GUCY1A1: variants seen among roughly 807,000 people sequenced by gnomAD.
GUCY1A1 encodes the protein guanylate cyclase 1 soluble subunit alpha 1, also known as guanylate cyclase soluble subunit alpha-1.
GUCY1A1 carries 48 observed loss-of-function variants against 64.5 expected under a neutral mutation model. The observed-to-expected ratio is 0.74, with a 90% CI of 0.59 to 0.95. GUCY1A1 has a LOEUF of 0.95. GUCY1A1 is among the 40% of genes least tolerant of loss of function. The pLI is 0.00. For synonymous variants in GUCY1A1, 308 were observed against 303.4 expected (o/e 1.02, Z -0.16); for missense variants, 804 against 825.3 (o/e 0.97, Z 0.32).
chr4:155,693,046 G>A (rs1449925355), intron 2 of GUCY1A1, among the ~76,000 whole-genome samples: 2 of 151,720 alleles, frequency 1.3e-5, no homozygotes, highest in African/African-American at 2.4e-5. Flanking sequence ...ATGACAGAGT[G>A]AGACTCTGTC....
rs1735473825 is a variant in GUCY1A1 at position 155,730,925 on chromosome 4, T to C, written c.*694T>C. ...ATAATAAATATTTCTTTTGTTTGAC[T>C]TTTTTAAAATTCTACAATGGTAAAA... On this transcript the variant is annotated 3_prime_UTR_variant, in exon 10 of 10. Coordinates refer to ENST00000506455, the MANE Select transcript of GUCY1A1 (RefSeq NM_001130682.3). The C allele has an allele frequency of 6.5e-6, 1 of 153,322 alleles. No homozygotes were observed. The highest frequency in any genetic ancestry group is 2.4e-5 in the African/African-American group (1 of 41,418). 9.5% of individuals were successfully genotyped at this position (153,322 alleles called of 1,614,324 possible).
chr4:155,682,586 C>T (rs975217502), intron 2 of GUCY1A1, among the ~76,000 whole-genome samples: 5 of 152,052 alleles, frequency 3.3e-5, no homozygotes, highest in East Asian at 1.9e-4. Context: ...GCCGGAGAAT[C>T]GCTTGAAACC....
At chr4:155,692,728 G>T (rs1450950736) in intron 2 of GUCY1A1, among the ~76,000 whole-genome samples, 2 of 152,180 alleles carry the variant, frequency 1.3e-5, no homozygotes, top group Non-Finnish European at 2.9e-5. Context: ...ATGTCTACAT[G>T]ATCTTGTTAC....
intron 3 of GUCY1A1, among the ~76,000 whole-genome samples, chr4:155,702,252 T>C (rs894409357): frequency 1.3e-5 from 2 of 152,192 alleles, no homozygotes; most frequent in African/African-American, 2.4e-5. Context: ...ATTAAAGACT[T>C]CTTTTTTCAT....
At chr4:155,691,695 G>A (rs1245557179) in intron 2 of GUCY1A1, among the ~76,000 whole-genome samples, 3 of 152,108 alleles carry the variant, frequency 2.0e-5, no homozygotes, top group African/African-American at 7.2e-5. Flanking sequence ...CAGGTATGAT[G>A]GTAGACATTT....
intron 9 of GUCY1A1, among the ~76,000 whole-genome samples, chr4:155,728,931 T>G (rs1434768754): frequency 6.6e-6 from 1 of 151,888 alleles, no homozygotes; most frequent in African/African-American, 2.4e-5. Context: ...TAATAGTCAC[T>G]CAAAAATATT....
At chr4:155,683,417 T>A (rs1224050480) in intron 2 of GUCY1A1, among the ~76,000 whole-genome samples, 1 of 152,196 alleles carries the variant, frequency 6.6e-6, no homozygotes. Context: ...CACTTCCGTG[T>A]TTATACCAGA....
chr4:155,700,880 A>C (rs572899485), intron 3 of GUCY1A1, among the ~76,000 whole-genome samples: 4 of 152,220 alleles, frequency 2.6e-5, no homozygotes, highest in African/African-American at 9.6e-5. Flanking sequence ...TGAATTTGGA[A>C]GGAAATATTG....
chr4:155,736,190 A>T lies in GUCY1A1; in HGVS notation c.*5959A>T, dbSNP rs1466789738. ...CTGATACATGCTGCTCTCAATCCAT[A>T]TACTACATATTAGGACAGCTTTTCT... is the stretch of plus-strand genomic sequence containing the variant. On this transcript the variant is annotated 3_prime_UTR_variant, in exon 10 of 10. Transcript: ENST00000506455. 6.6e-6 allele frequency: 1 copy of T among 151,954 alleles called. No homozygotes were observed. The highest frequency in any genetic ancestry group is 6.6e-5 in the Admixed American group (1 of 15,232). 9.4% of individuals were successfully genotyped at this position (151,954 alleles called of 1,614,324 possible).
intron 2 of GUCY1A1, among the ~76,000 whole-genome samples, chr4:155,682,764 TAAAG>T (rs1435058736): frequency 1.7e-5 from 2 of 118,722 alleles, no homozygotes; most frequent in East Asian, 4.2e-4. Flanking sequence ...TGAAGAAAAT[TAAAG>T]AAAGGAATAT....
intron 2 of GUCY1A1, among the ~76,000 whole-genome samples, chr4:155,672,645 C>T (rs1200109434): frequency 6.6e-6 from 1 of 152,146 alleles, no homozygotes; most frequent in African/African-American, 2.4e-5. Flanking sequence ...CAGCACTTCA[C>T]ATTTTGAATG....
At chr4:155,718,518 G>C (rs1014578120) in intron 8 of GUCY1A1, among the ~76,000 whole-genome samples, 17 of 152,188 alleles carry the variant, frequency 1.1e-4, no homozygotes, top group Admixed American at 3.3e-4. Context: ...CAATCTATGG[G>C]ACCTCAGCTG....
intron 2 of GUCY1A1, among the ~76,000 whole-genome samples, chr4:155,678,050 A>G (rs961445792): frequency 6.6e-6 from 1 of 152,150 alleles, no homozygotes; most frequent in African/African-American, 2.4e-5. Flanking sequence ...AAACATTATA[A>G]CAAGTATACT....
chr4:155,710,763 C>A lies in GUCY1A1; in HGVS notation c.598C>A (p.Leu200Ile). Residue 200 changes from leucine (L) to isoleucine (I), a missense_variant, in exon 6 of 10, where the codon CTA becomes ATA. By Grantham distance (5) the Leu-to-Ile change is conservative. Transcript: ENST00000506455. ...ILCLDKEDDF[L>I]HVYYFFPKRT... ...ATGCCTGGATAAGGAGGATGATTTT[C>A]TACATGTTTACTACTTCTTCCCTAA... 6.2e-7 allele frequency: 1 copy of A among 1,614,030 alleles called. No homozygotes were observed. The highest frequency in any genetic ancestry group is 8.5e-7 in the Non-Finnish European group (1 of 1,179,934).
chr4:155,687,056 T>C (rs1729092075), intron 2 of GUCY1A1, among the ~76,000 whole-genome samples: 2 of 152,166 alleles, frequency 1.3e-5, no homozygotes, highest in Admixed American at 6.5e-5. Context: ...AGAGTTCCCT[T>C]AAACAAGCTT....
At chr4:155,692,206 T>C (rs1337157592) in intron 2 of GUCY1A1, among the ~76,000 whole-genome samples, 1 of 152,184 alleles carries the variant, frequency 6.6e-6, no homozygotes, top group African/African-American at 2.4e-5. Context: ...TGATGGGCAA[T>C]TAGGTTGATT....
Position 155,733,144 on chromosome 4 carries a change from C to G in GUCY1A1, c.*2913C>G, listed in dbSNP as rs1364744699. ...AATTTATTGAATGCCTACTATGTGC[C>G]AGGAATATTGCTATATTTTTGAAAT... On this transcript the variant is annotated 3_prime_UTR_variant, in exon 10 of 10. Transcript: ENST00000506455. 6.6e-6 allele frequency among the ~76,000 whole-genome samples: 1 copy of G among 151,578 alleles called. No individual in the cohort carries two copies. The highest frequency in any genetic ancestry group is 2.4e-5 in the African/African-American group (1 of 41,278).
intron 2 of GUCY1A1, among the ~76,000 whole-genome samples, chr4:155,683,271 CA>C (rs1003901588): frequency 7.9e-5 from 12 of 151,556 alleles, no homozygotes; most frequent in African/African-American, 1.9e-4. Flanking sequence ...TATAGGAAAA[CA>C]AAAAAAATGG....
Position 155,710,655 on chromosome 4 carries a change from A to G in GUCY1A1, c.490A>G (p.Asn164Asp). 6.2e-7 allele frequency: 1 copy of G among 1,613,996 alleles called. No individual in the cohort carries two copies. The highest frequency in any genetic ancestry group is 8.5e-7 in the Non-Finnish European group (1 of 1,179,892). ...VVGGTLKDFL[N>D]SFSTLLKQSS... ...TGGAGGCACCCTTAAAGATTTTTTA[A>G]ACAGCTTCAGTACCCTTCTGAAACA... Residue 164 changes from asparagine to aspartate, a missense_variant, in exon 6 of 10, where the codon AAC becomes GAC. Transcript: ENST00000506455.
Sources: allele counts gnomAD v4.1 joint callset (sites outside exome capture counted in the v4.1 genomes callset), GRCh38; gene constraint gnomAD v4.1.1; transcripts MANE v1.5; gene names NCBI Gene and HGNC (gene_info 2026-07-23, HGNC 2026-07-21).